KY: variants seen among roughly 807,000 people sequenced by gnomAD.
KY encodes kyphoscoliosis peptidase.
In KY, 43 loss-of-function variants were observed where a neutral mutation model predicts 76.1. That is an observed-to-expected ratio of 0.57 (90% CI 0.44 to 0.73). The LOEUF (loss-of-function observed/expected upper bound fraction) is 0.73. Among genes scored for constraint, KY ranks in the 30% least tolerant of loss-of-function variants. The pLI is 0.00. For synonymous variants in KY, 277 were observed against 326.2 expected (o/e 0.85, Z 1.63); for missense variants, 722 against 828.9 (o/e 0.87, Z 1.58).
At chr3:134,646,605 G>A (rs908799347) in intron 2 of KY, among the ~76,000 whole-genome samples, 1 of 152,032 alleles carries the variant, frequency 6.6e-6, no homozygotes, top group South Asian at 2.1e-4. Context: ...TTTCATTATT[G>A]TCAGAAGGAT....
chr3:134,643,699 GCA>G (rs1285634243), intron 2 of KY, among the ~76,000 whole-genome samples: 1 of 152,190 alleles, frequency 6.6e-6, no homozygotes, highest in South Asian at 2.1e-4. Context: ...GTGTCACCAG[GCA>G]CAGTTTCAAA....
chr3:134,607,556 A>G (rs1323044158), intron 10 of KY: 4 of 985,452 alleles, frequency 4.1e-6, no homozygotes, highest in Admixed American at 1.2e-4. Flanking sequence ...CCCGACTTAC[A>G]GGGCTGTGCA....
rs1362001187 is a variant in KY, at chr3:134,602,174, GC to G, written c.*1404del. ...AGCCAGGGGCCACGGAGCTGGAGAA[GC>G]CGGGAGTTCAGCAGGGAGCATGTCT... On this transcript the variant is annotated 3_prime_UTR_variant, in exon 11 of 11. Coordinates refer to ENST00000423778, the MANE Select transcript of KY (RefSeq NM_178554.6). 3.9e-5 allele frequency among the ~76,000 whole-genome samples: 6 copies of G among 152,170 alleles called. No homozygotes were observed. The highest frequency in any genetic ancestry group is 1.4e-4 in the African/African-American group (6 of 41,432).
intron 5 of KY, among the ~76,000 whole-genome samples, chr3:134,626,959 A>T (rs900713389): frequency 2.0e-5 from 3 of 152,208 alleles, no homozygotes; most frequent in Admixed American, 2.0e-4. Flanking sequence ...AAGTGCATTC[A>T]AAGTGGACTC....
rs988307894 is a variant in KY, at chr3:134,610,624, G to A, written c.711-241C>T. On this transcript the variant is annotated intron_variant, in intron 8 of 10. Coordinates refer to ENST00000423778, the MANE Select transcript of KY (RefSeq NM_178554.6). ...AGACTGGCTGCAGTCTCCGCTGTCT[G>A]CTCCTCCCCTGAGACCAACACCATT... 6 of 465,548 alleles carry A rather than the reference G, an allele frequency of 1.3e-5. No homozygotes were observed. In the South Asian group the frequency reaches 1.8e-4, roughly 14 times the overall value. The allele number at this position is 465,548 out of a possible 1,614,324, so 28.8% of individuals were successfully genotyped here.
intron 3 of KY, among the ~76,000 whole-genome samples, chr3:134,638,739 C>T (rs1965315744): frequency 6.6e-6 from 1 of 152,242 alleles, no homozygotes; most frequent in Non-Finnish European, 1.5e-5. Flanking sequence ...AGGTTTCTTC[C>T]ACCTGACAGC....
At chr3:134,628,868 T>C (rs1963826845) in intron 4 of KY, among the ~76,000 whole-genome samples, 1 of 152,196 alleles carries the variant, frequency 6.6e-6, no homozygotes, top group East Asian at 1.9e-4. Flanking sequence ...CTCTTTACAG[T>C]AGACTACTTT....
In KY at chr3:134,608,777, T is replaced by C; in HGVS notation, c.962A>G (p.Asn321Ser). 1 of 1,614,010 alleles carries C rather than the reference T, an allele frequency of 6.2e-7. No individual in the cohort carries two copies. The highest frequency in any genetic ancestry group is 1.3e-5 in the African/African-American group (1 of 75,044). ...AGGTTTTAGCAGCTGCCAGTTCTTG[T>C]TGTCTGGGAAGTGGTCCTCGATGAA... ...ALFIEDHFPD[N>S]KNWQLLKPPQ... The change falls in exon 10 of 11, where the codon AAC becomes AGC. Residue 321 changes from asparagine (N) to serine (S), a missense_variant. Asn to Ser is a conservative substitution (Grantham distance 46). This residue lies in a region of KY where 552 missense variants were observed against 680.9 expected (regional missense o/e 0.81). Transcript: ENST00000423778.
At chr3:134,623,953 C>T (rs754779740) in intron 6 of KY, among the ~76,000 whole-genome samples, 5 of 152,148 alleles carry the variant, frequency 3.3e-5, no homozygotes, top group Non-Finnish European at 7.3e-5. Flanking sequence ...CAGCTCTTAA[C>T]GAAATCTGAT....
At chr3:134,647,391 C>G (rs764199667) in intron 2 of KY, 44 bp downstream of exon 2, 25 of 1,374,720 alleles carry the variant, frequency 1.8e-5, no homozygotes, top group Middle Eastern at 3.6e-4. Context: ...AGTTATTATT[C>G]AATGTATTAA....
intron 8 of KY, among the ~76,000 whole-genome samples, chr3:134,613,985 G>A (rs1297192609): frequency 2.0e-5 from 3 of 152,060 alleles, no homozygotes; most frequent in African/African-American, 4.8e-5. Flanking sequence ...ACCATACAAC[G>A]CAACACAATG....
intron 3 of KY, among the ~76,000 whole-genome samples, chr3:134,640,405 A>G (rs896677576): frequency 3.9e-5 from 6 of 152,136 alleles, no homozygotes; most frequent in African/African-American, 1.4e-4. Flanking sequence ...CCCTATCTGT[A>G]AAATGAGGAT....
intron 10 of KY, chr3:134,606,861 T>G (rs774880991): frequency 2.7e-5 from 25 of 927,704 alleles, no homozygotes; most frequent in Non-Finnish European, 3.2e-5. Context: ...TCCTAGAGCC[T>G]GGCAGCTTTC....
At chr3:134,638,224 C>T (rs1965247195) in intron 3 of KY, among the ~76,000 whole-genome samples, 2 of 152,214 alleles carry the variant, frequency 1.3e-5, no homozygotes, top group Non-Finnish European at 2.9e-5. Flanking sequence ...CACAATATAG[C>T]TTTATGCTTC....
intron 10 of KY, among the ~76,000 whole-genome samples, chr3:134,605,050 G>A (rs1206262566): frequency 6.6e-6 from 1 of 151,936 alleles, no homozygotes; most frequent in Non-Finnish European, 1.5e-5. Flanking sequence ...GTGTATCTTA[G>A]CCATGTTTCA....
At chr3:134,623,347 C>T (rs1423217146) in intron 6 of KY, among the ~76,000 whole-genome samples, 3 of 152,202 alleles carry the variant, frequency 2.0e-5, no homozygotes, top group African/African-American at 7.2e-5. Flanking sequence ...TTTCCTCATT[C>T]ACAGGTAATG....
chr3:134,625,239 A>C, intron 5 of KY, 104 bp from the exon 6 acceptor site: 1 of 854,512 alleles, frequency 1.2e-6, no homozygotes, highest in East Asian at 2.7e-5. Context: ...TCCAACCTTT[A>C]ACACAATTCT....
At chr3:134,621,592 A>G (rs538836507) in intron 6 of KY, among the ~76,000 whole-genome samples, 15 of 152,338 alleles carry the variant, frequency 9.8e-5, no homozygotes, top group African/African-American at 2.9e-4. Flanking sequence ...CTCAAATATA[A>G]GAGCTTAAAC....
Position 134,637,025 on chromosome 3 carries a change from T to C in KY, c.262+6291A>G, listed in dbSNP as rs371353689. 1.4e-4 allele frequency among the ~76,000 whole-genome samples: 22 copies of C among 152,356 alleles called. No individual in the cohort carries two copies. The East Asian group carries it at 1.9e-3, about 13-fold the overall frequency. On this transcript the variant is annotated intron_variant, in intron 3 of 10. Transcript: ENST00000423778. ...TCATAGAATAACAATACTGTCTTTT[T>C]TGTGTAGCTCATAAACTTGTTCTGC... is the stretch of plus-strand genomic sequence containing the variant.
Sources: allele counts gnomAD v4.1 joint callset (sites outside exome capture counted in the v4.1 genomes callset), GRCh38; gene constraint gnomAD v4.1.1; regional missense constraint gnomAD v4.1.1; transcripts MANE v1.5; gene names NCBI Gene and HGNC (gene_info 2026-07-23, HGNC 2026-07-21).